SLC27A3: variants seen among roughly 807,000 people sequenced by gnomAD.
SLC27A3 encodes long-chain fatty acid transport protein 3.
A neutral mutation model predicts 60.1 loss-of-function variants in SLC27A3; 60 were observed. That is an observed-to-expected ratio of 1.00 (90% CI 0.81 to 1.24). The LOEUF (loss-of-function observed/expected upper bound fraction) is 1.24. Ranked by LOEUF, SLC27A3 falls within the 50% of genes most tolerant of loss-of-function variation. The pLI is 0.00. For synonymous variants in SLC27A3, 455 were observed against 409.0 expected (o/e 1.11, Z -1.36); for missense variants, 1,079 against 929.9 (o/e 1.16, Z -2.09).
Position 153,776,548 on chromosome 1 carries a change from C to G in SLC27A3, c.698C>G (p.Pro233Arg), listed in dbSNP as rs759304178. Reference sequence around the variant, plus strand: ...CTGGAGTCCCTGGAGCCGGACCTGCCCGCCCTGAGAGCCATGGGGCTCCAC... The same window carrying G: ...CTGGAGTCCCTGGAGCCGGACCTGCGCGCCCTGAGAGCCATGGGGCTCCAC... Reference protein sequence around the residue: ...EFLESLEPDLPALRAMGLHLW... With the variant: ...EFLESLEPDLRALRAMGLHLW... Residue 233 changes from proline to arginine, a missense_variant, in exon 2 of 10, where the codon CCC becomes CGC. Pro to Arg is a moderately radical substitution (Grantham distance 103). Coordinates refer to ENST00000624995, the MANE Select transcript of SLC27A3 (RefSeq NM_024330.4). 1.2e-6 allele frequency: 2 copies of G among 1,614,048 alleles called. No homozygotes were observed. Among genetic ancestry groups the G allele is most frequent in the Admixed American group, 1.7e-5 (1 of 60,010 alleles).
At position 153,775,496 on chromosome 1, in the gene SLC27A3, C is replaced by T. The variant is rs1437571822; in HGVS notation, c.-2C>T. 1.2e-6 allele frequency: 2 copies of T among 1,613,300 alleles called. No individual in the cohort carries two copies. The highest frequency in any genetic ancestry group is 1.7e-5 in the Admixed American group (1 of 60,036). On this transcript the variant is annotated 5_prime_UTR_variant, in exon 1 of 10. Transcript: ENST00000624995. ...ACGGTGCCGATAGAGGAAGCGGGCT[C>T]CATGGCTGCCCTCCTGCTGCTGCCC...
Position 153,776,089 on chromosome 1 carries a change from C to G in SLC27A3, c.592C>G (p.Pro198Ala). ...GGCCGGCCTGCGCACTGCCTTTGTG[C>G]CCACCGCCCTGCGCCGGGGCCCCCT... ...AKAGLRTAFV[P>A]TALRRGPLLH... The change falls in exon 1 of 10, where the codon CCC becomes GCC. Residue 198 changes from proline to alanine, a missense_variant. Coordinates refer to ENST00000624995, the MANE Select transcript of SLC27A3 (RefSeq NM_024330.4). 4 of 1,483,752 alleles carry G rather than the reference C, an allele frequency of 2.7e-6. No homozygotes were observed. Among genetic ancestry groups the G allele is most frequent in the Non-Finnish European group, 3.5e-6 (4 of 1,131,026 alleles). 91.9% of individuals were successfully genotyped at this position (1,483,752 alleles called of 1,614,324 possible).
Position 153,775,439 on chromosome 1 carries a change from G to C in SLC27A3, c.-59G>C. ...GCGGCCCTAGGTTTTCGGAAGGGAGGATCAGGGATGTTTGCGAGCGGCTGG... is the reference window on the plus strand; with the variant it reads ...GCGGCCCTAGGTTTTCGGAAGGGAGCATCAGGGATGTTTGCGAGCGGCTGG... On this transcript the variant is annotated 5_prime_UTR_variant, in exon 1 of 10. Transcript: ENST00000624995. The C allele has an allele frequency of 6.2e-7, 1 of 1,612,210 alleles. No individual in the cohort carries two copies. Among genetic ancestry groups the C allele is most frequent in the Non-Finnish European group, 8.5e-7 (1 of 1,180,016 alleles).
In SLC27A3 at chr1:153,779,124, G is replaced by A. The variant is rs1224726568; in HGVS notation, c.1657G>A (p.Glu553Lys). ...RTGDTFRWKG[E>K]NVATTEVAEV... ...TCTGCTCTCTGACAGGTGGAAGGGG[G>A]AGAATGTGGCCACAACCGAGGTGGC... The change falls in exon 8 of 10, where the codon GAG (glutamate) becomes AAG (lysine). Residue 553 changes from glutamate (E) to lysine (K), a missense_variant. By Grantham distance (56) the Glu-to-Lys change is moderately conservative. Transcript: ENST00000624995. The A allele has an allele frequency of 8.1e-6, 13 of 1,614,046 alleles. No homozygotes were observed. The highest frequency in any genetic ancestry group is 1.7e-5 in the Admixed American group (1 of 59,996).
At chr1:153,778,001 T>C (rs1298839655) in intron 4 of SLC27A3, 116 bp downstream of exon 4, 17 of 1,521,988 alleles carry the variant, frequency 1.1e-5, no homozygotes, top group Non-Finnish European at 1.5e-5. Context: ...AAAATGGCAG[T>C]GTAAGATAAG....
chr1:153,777,659 G>T, intron 3 of SLC27A3, 102 bp from the exon 4 acceptor site: 10 of 1,447,864 alleles, frequency 6.9e-6, no homozygotes, highest in Non-Finnish European at 8.6e-6. Flanking sequence ...CCCTTCCCAG[G>T]GAAAGACTAC....
Position 153,775,680 on chromosome 1 carries a change from C to A in SLC27A3, c.183C>A (p.Pro61=). The A allele has an allele frequency of 6.5e-7, 1 of 1,534,434 alleles. No homozygotes were observed. Among genetic ancestry groups the A allele is most frequent in the Non-Finnish European group, 8.7e-7 (1 of 1,142,926 alleles). Residue 61 remains proline, a synonymous_variant, in exon 1 of 10, where the codon CCC becomes CCA. Coordinates refer to ENST00000624995, the MANE Select transcript of SLC27A3 (RefSeq NM_024330.4). Reference sequence around the variant, plus strand: ...CGGCTGCCGCCGACCCGGAAGGTCCCGAGGGGGGCTGCAGCCTGGCCTGGC... The same window carrying A: ...CGGCTGCCGCCGACCCGGAAGGTCCAGAGGGGGGCTGCAGCCTGGCCTGGC... ...LAAAAADPEG[P]EGGCSLAWRL...
chr1:153,777,805 T>C lies in SLC27A3; in HGVS notation c.1081T>C (p.Trp361Arg), dbSNP rs764086117. 3.1e-6 allele frequency: 5 copies of C among 1,614,220 alleles called. No individual in the cohort carries two copies. The South Asian group carries it at 5.5e-5, about 18-fold the overall frequency. The change falls in exon 4 of 10, where the codon TGG (tryptophan) becomes CGG (arginine). Residue 361 changes from tryptophan (W) to arginine (R), a missense_variant. Transcript: ENST00000624995. ...ATCCAAGTTCTCGGCTGGTCAGTTC[T>C]GGGAAGATTGCCAGCAGCACAGGGT... ...LKSKFSAGQF[W>R]EDCQQHRVTV...
In SLC27A3 at chr1:153,779,475, T is replaced by C; in HGVS notation, c.1875+2T>C. ...CGGCCCCGATTCCTCAGGCTCCAGG[T>C]AACCGGCCACTTCCCCCGCCGGCCC... On this transcript the variant is annotated splice_donor_variant, in intron 9 of 9. Coordinates refer to ENST00000624995, the MANE Select transcript of SLC27A3 (RefSeq NM_024330.4). LOFTEE classifies it high-confidence loss of function. 1.7e-5 allele frequency: 27 copies of C among 1,611,778 alleles called. No homozygotes were observed. The highest frequency in any genetic ancestry group is 2.3e-5 in the Non-Finnish European group (27 of 1,179,404).
Position 153,776,172 on chromosome 1 carries a change from T to C in SLC27A3, c.667+8T>C. On this transcript the variant is annotated splice_region_variant and intron_variant, in intron 1 of 9. Coordinates refer to ENST00000624995, the MANE Select transcript of SLC27A3 (RefSeq NM_024330.4). Reference sequence around the variant, plus strand: ...CGCTGGTGCTGGCGCCAGGTAAGGCTGGAGCTCCGAACTGACTAAGGCGGG... The same window carrying C: ...CGCTGGTGCTGGCGCCAGGTAAGGCCGGAGCTCCGAACTGACTAAGGCGGG... The C allele has an allele frequency of 7.1e-7, 1 of 1,415,006 alleles. No homozygotes were observed. The highest frequency in any genetic ancestry group is 9.1e-7 in the Non-Finnish European group (1 of 1,096,094). The allele number at this position is 1,415,006 out of a possible 1,614,324, so 87.7% of individuals were successfully genotyped here. A position where few individuals can be genotyped will look rare whatever the true frequency, so the allele number is the denominator to read the frequency against.
rs147617815 is a variant in SLC27A3 at position 153,778,544 on chromosome 1, A to ACAT, written c.1440_1442dup (p.Ser481dup). On this transcript the variant is annotated inframe_insertion, in exon 6 of 10. Transcript: ENST00000624995. ...GGACCCCCAGGGGCACTGTATGGCC[A>ACAT]CATCTCCAGGTTGGTGGTGTTCTGG... The ACAT allele has an allele frequency of 2.5e-6, 4 of 1,614,082 alleles. No individual in the cohort carries two copies. In the East Asian group the frequency reaches 8.9e-5, roughly 36 times the overall value.
intron 3 of SLC27A3, 97 bp from the exon 4 acceptor site, chr1:153,777,664 G>C (rs1673298244): frequency 1.4e-6 from 2 of 1,474,436 alleles, no homozygotes; most frequent in East Asian, 4.5e-5. Context: ...CCCAGGGAAA[G>C]ACTACAGTGA....
Position 153,778,830 on chromosome 1 carries a change from G to A in SLC27A3, c.1591G>A (p.Val531Ile), listed in dbSNP as rs1274852750. Residue 531 changes from valine (V) to isoleucine (I), a missense_variant, in exon 7 of 10, where the codon GTC (valine) becomes ATC (isoleucine). By Grantham distance (29) the Val-to-Ile change is conservative. Coordinates refer to ENST00000624995, the MANE Select transcript of SLC27A3 (RefSeq NM_024330.4). Reference protein sequence around the residue: ...DVFFNTGDLLVCDDQGFLRFH... With the variant: ...DVFFNTGDLLICDDQGFLRFH... ...TTTCTTCAACACTGGGGACCTGCTG[G>A]TCTGCGATGACCAAGGTTTTCTCCG... The A allele has an allele frequency of 6.2e-7, 1 of 1,614,176 alleles. No homozygotes were observed. Among genetic ancestry groups the A allele is most frequent in the Non-Finnish European group, 8.5e-7 (1 of 1,180,018 alleles).
Position 153,776,119 on chromosome 1 carries a change from C to A in SLC27A3, c.622C>A (p.His208Asn). 6.8e-7 allele frequency: 1 copy of A among 1,466,496 alleles called. No homozygotes were observed. The highest frequency in any genetic ancestry group is 2.8e-5 in the Admixed American group (1 of 35,654). The allele number at this position is 1,466,496 out of a possible 1,614,324, so 90.8% of individuals were successfully genotyped here. A position where few individuals can be genotyped will look rare whatever the true frequency, so the allele number is the denominator to read the frequency against. The change falls in exon 1 of 10, where the codon CAC becomes AAC. Residue 208 changes from histidine to asparagine, a missense_variant. By Grantham distance (68) the His-to-Asn change is moderately conservative (BLOSUM62 1). Coordinates refer to ENST00000624995, the MANE Select transcript of SLC27A3 (RefSeq NM_024330.4). ...PTALRRGPLL[H>N]CLRSCGARAL... Reference sequence around the variant, plus strand: ...CGCCCTGCGCCGGGGCCCCCTGCTGCACTGCCTCCGCAGCTGCGGCGCGCG... The same window carrying A: ...CGCCCTGCGCCGGGGCCCCCTGCTGAACTGCCTCCGCAGCTGCGGCGCGCG...
Position 153,779,812 on chromosome 1 carries a change from C to T in SLC27A3, c.1876-14C>T. Reference sequence around the variant, plus strand: ...GTCCCCTTCCCTCCAAATCCCTGACCCTCCTGTCCCCAGGAGTCTTTGGCC... The same window carrying T: ...GTCCCCTTCCCTCCAAATCCCTGACTCTCCTGTCCCCAGGAGTCTTTGGCC... On this transcript the variant is annotated splice_polypyrimidine_tract_variant and intron_variant, in intron 9 of 9. Coordinates refer to ENST00000624995, the MANE Select transcript of SLC27A3 (RefSeq NM_024330.4). 6.2e-7 allele frequency: 1 copy of T among 1,609,678 alleles called. No individual in the cohort carries two copies. Among genetic ancestry groups the T allele is most frequent in the Non-Finnish European group, 8.5e-7 (1 of 1,177,444 alleles).
At position 153,779,897 on chromosome 1, in the gene SLC27A3, C is replaced by T; in HGVS notation, c.1947C>T (p.Ser649=). ...VRMANEGFDP[S]TLSDPLYVLD... is the part of the protein sequence containing the mutation. ...TGGCAAATGAGGGCTTCGACCCCAGCACCCTGTCTGACCCACTGTACGTTC... is the reference window on the plus strand; with the variant it reads ...TGGCAAATGAGGGCTTCGACCCCAGTACCCTGTCTGACCCACTGTACGTTC... The change falls in exon 10 of 10, where the codon AGC becomes AGT. Residue 649 remains serine (S), a synonymous_variant. Transcript: ENST00000624995. 1 of 1,614,140 alleles carries T rather than the reference C, an allele frequency of 6.2e-7. No individual in the cohort carries two copies. Among genetic ancestry groups the T allele is most frequent in the Non-Finnish European group, 8.5e-7 (1 of 1,180,016 alleles).
At position 153,776,635 on chromosome 1, in the gene SLC27A3, C is replaced by T; in HGVS notation, c.785C>T (p.Ser262Phe). Reference sequence around the variant, plus strand: ...ATTAGCGATTTGCTGGCTGAAGTGTCCGCTGAAGTGGATGGGCCAGTGCCA... The same window carrying T: ...ATTAGCGATTTGCTGGCTGAAGTGTTCGCTGAAGTGGATGGGCCAGTGCCA... ...AGISDLLAEV[S>F]AEVDGPVPGY... is the part of the protein sequence containing the mutation. The change falls in exon 2 of 10, where the codon TCC (serine) becomes TTC (phenylalanine). Residue 262 changes from serine (S) to phenylalanine (F), a missense_variant. Coordinates refer to ENST00000624995, the MANE Select transcript of SLC27A3 (RefSeq NM_024330.4). 1 of 1,614,210 alleles carries T rather than the reference C, an allele frequency of 6.2e-7. No homozygotes were observed. The highest frequency in any genetic ancestry group is 2.2e-5 in the East Asian group (1 of 44,880).
intron 4 of SLC27A3, 97 bp from the exon 5 acceptor site, chr1:153,778,064 C>T: frequency 6.7e-7 from 1 of 1,496,138 alleles, no homozygotes. Flanking sequence ...AAGGAGGTCA[C>T]AGTAGGAGGG....
intron 3 of SLC27A3, 100 bp from the exon 4 acceptor site, chr1:153,777,661 A>G (rs550369081): frequency 5.5e-6 from 8 of 1,454,238 alleles, no homozygotes; most frequent in Non-Finnish European, 7.6e-6. Context: ...CTTCCCAGGG[A>G]AAGACTACAG....
Sources: gnomAD v4.1 joint callset for allele counts on GRCh38, gnomAD v4.1.1 for gene constraint, MANE v1.5 for transcripts, NCBI Gene and HGNC (gene_info 2026-07-23, HGNC 2026-07-21) for gene names.